Variants in BBOX1 observed in about 807,000 individuals in gnomAD.
BBOX1 encodes the protein gamma-butyrobetaine hydroxylase 1, also known as gamma-butyrobetaine dioxygenase.
BBOX1 carries 35 observed loss-of-function variants against 41.6 expected under a neutral mutation model. The ratio of observed to expected loss-of-function variants is 0.84; its 90% CI spans 0.64 to 1.11. The LOEUF (loss-of-function observed/expected upper bound fraction) is 1.11. Ranked by LOEUF, BBOX1 falls within the 50% of genes most tolerant of loss-of-function variation. The probability of loss-of-function intolerance (pLI) is 0.00; values close to 1 mark genes in which losing one functional copy is unlikely to be tolerated. For synonymous variants in BBOX1, 163 were observed against 154.7 expected (o/e 1.05, Z -0.40); for missense variants, 458 against 460.6 (o/e 0.99, Z 0.05).
intron 2 of BBOX1, among the ~76,000 whole-genome samples, chr11:27,049,309 G>C (rs1486490388): frequency 1.3e-5 from 2 of 152,004 alleles, no homozygotes; most frequent in African/African-American, 4.8e-5. Context: ...GTTTTGGTTT[G>C]TATTTACCTG....
intron 5 of BBOX1, 144 bp from the exon 6 acceptor site, chr11:27,115,308 T>C (rs985203520): frequency 3.3e-6 from 2 of 613,416 alleles, no homozygotes; most frequent in Non-Finnish European, 5.4e-6. Context: ...AAAGGTCAGA[T>C]TCCTTGTCTC....
At chr11:27,076,066 A>G (rs1258896249) in intron 4 of BBOX1, among the ~76,000 whole-genome samples, 1 of 152,118 alleles carries the variant, frequency 6.6e-6, no homozygotes. Flanking sequence ...TGTTCTCTTA[A>G]TGTGGTACAT....
chr11:27,043,779 T>A (rs1442966867), intron 2 of BBOX1, among the ~76,000 whole-genome samples: 1 of 119,098 alleles, frequency 8.4e-6, no homozygotes, highest in African/African-American at 4.2e-5. Context: ...GAACTCATCC[T>A]TTTTTATGGC....
At chr11:27,045,640 G>A (rs1374581767) in intron 2 of BBOX1, among the ~76,000 whole-genome samples, 1 of 152,064 alleles carries the variant, frequency 6.6e-6, no homozygotes, top group Non-Finnish European at 1.5e-5. Flanking sequence ...TTAGCATGAA[G>A]GGCTGTTGAA....
chr11:27,073,751 T>G (rs1231424969), intron 4 of BBOX1, among the ~76,000 whole-genome samples: 3 of 152,118 alleles, frequency 2.0e-5, no homozygotes, highest in Admixed American at 6.5e-5. Context: ...GATGAATTCA[T>G]GTCATTTTTA....
chr11:27,052,138 T>C (rs1851690402), intron 2 of BBOX1, among the ~76,000 whole-genome samples: 1 of 152,106 alleles, frequency 6.6e-6, no homozygotes, highest in Non-Finnish European at 1.5e-5. Context: ...GGTATTGATT[T>C]GATGACAAAG....
intron 5 of BBOX1, among the ~76,000 whole-genome samples, chr11:27,095,611 C>T (rs1858410950): frequency 1.3e-5 from 2 of 151,876 alleles, no homozygotes; most frequent in Non-Finnish European, 2.9e-5. Flanking sequence ...TATGTGCATG[C>T]CAGAAAACGC....
chr11:27,077,293 C>CCTA (rs1239960290), intron 4 of BBOX1, among the ~76,000 whole-genome samples: 1 of 152,084 alleles, frequency 6.6e-6, no homozygotes, highest in East Asian at 1.9e-4. Flanking sequence ...TTTTATATTC[C>CCTA]CTACCACTCC....
At chr11:27,088,110 GA>G (rs1346591063) in intron 4 of BBOX1, among the ~76,000 whole-genome samples, 2 of 151,382 alleles carry the variant, frequency 1.3e-5, no homozygotes, top group African/African-American at 4.8e-5. Context: ...TTTTATAATG[GA>G]AAAAAAAGCT....
intron 2 of BBOX1, among the ~76,000 whole-genome samples, chr11:27,053,503 C>G (rs11029806): frequency 6.6e-6 from 1 of 151,984 alleles, no homozygotes. Context: ...ATATGCCGTC[C>G]GGCATTTTAC....
chr11:27,055,257 G>GTC (rs1564954161), intron 2 of BBOX1, 136 bp from the exon 3 acceptor site: 1 of 571,356 alleles, frequency 1.8e-6, no homozygotes, highest in African/African-American at 1.9e-5. Flanking sequence ...AGGTCCCAGC[G>GTC]TCAATAAGTC....
intron 5 of BBOX1, among the ~76,000 whole-genome samples, chr11:27,093,921 G>A (rs1393173467): frequency 6.6e-6 from 1 of 151,796 alleles, no homozygotes; most frequent in African/African-American, 2.4e-5. Flanking sequence ...TATGAATTTG[G>A]GGGGACATAA....
intron 5 of BBOX1, among the ~76,000 whole-genome samples, chr11:27,114,906 T>TA (rs1297377958): frequency 7.2e-5 from 11 of 151,954 alleles, no homozygotes; most frequent in African/African-American, 2.4e-4. Flanking sequence ...GGTAAATATC[T>TA]AAAATAGGTA....
chr11:27,112,661 T>C (rs1859113200), intron 5 of BBOX1, among the ~76,000 whole-genome samples: 1 of 151,988 alleles, frequency 6.6e-6, no homozygotes, highest in Admixed American at 6.6e-5. Flanking sequence ...CAACTCAAGA[T>C]GAATTAAAGA....
At chr11:27,085,262 C>T (rs1384333504) in intron 4 of BBOX1, among the ~76,000 whole-genome samples, 1 of 152,182 alleles carries the variant, frequency 6.6e-6, no homozygotes, top group Non-Finnish European at 1.5e-5. Context: ...CTGAGCTTCA[C>T]AGATACTGCA....
chr11:27,045,707 C>T (rs951929158), intron 2 of BBOX1, among the ~76,000 whole-genome samples: 8 of 152,050 alleles, frequency 5.3e-5, no homozygotes, highest in East Asian at 3.9e-4. Context: ...CAGATACTGA[C>T]GTTTGCTAAC....
At chr11:27,064,202 G>T (rs1857215956) in intron 4 of BBOX1, among the ~76,000 whole-genome samples, 1 of 151,998 alleles carries the variant, frequency 6.6e-6, no homozygotes, top group Admixed American at 6.6e-5. Flanking sequence ...TTGGTGGGTT[G>T]TTGTTTTTTT....
At chr11:27,049,235 A>G (rs569458032) in intron 2 of BBOX1, among the ~76,000 whole-genome samples, 1 of 152,128 alleles carries the variant, frequency 6.6e-6, no homozygotes, top group East Asian at 1.9e-4. Context: ...ATTCTCACCA[A>G]GACTTATCTT....
chr11:27,046,206 T>A (rs1484718520), intron 2 of BBOX1: 2 of 152,202 alleles, frequency 1.3e-5, no homozygotes, highest in Non-Finnish European at 2.9e-5. Context: ...ATGCATAAAA[T>A]AAATTTCAGA....
Sources: allele counts gnomAD v4.1 joint callset (sites outside exome capture counted in the v4.1 genomes callset), GRCh38; gene constraint gnomAD v4.1.1; transcripts MANE v1.5; gene names NCBI Gene and HGNC (gene_info 2026-07-23, HGNC 2026-07-21).